NRAP: variants seen among roughly 807,000 people sequenced by gnomAD.
NRAP encodes nebulin related anchoring protein.
NRAP carries 189 observed loss-of-function variants against 225.9 expected under a neutral mutation model. The observed-to-expected ratio is 0.84, with a 90% CI of 0.74 to 0.94. The LOEUF is 0.94. NRAP is among the 40% of genes least tolerant of loss of function. The pLI is 0.00. For synonymous variants in NRAP, 769 were observed against 790.7 expected (o/e 0.97, Z 0.46); for missense variants, 2,176 against 2,168.7 (o/e 1.00, Z -0.07).
At position 113,597,155 on chromosome 10, in the gene NRAP, G is replaced by C. The variant is rs745647380; in HGVS notation, c.4362C>G (p.Ile1454Met). The change falls in exon 37 of 42, where the codon ATC (isoleucine) becomes ATG (methionine). Residue 1454 changes from isoleucine (I) to methionine (M), a missense_variant. Ile to Met is a conservative substitution (Grantham distance 10, BLOSUM62 1). Coordinates refer to ENST00000359988, the MANE Select transcript of NRAP (RefSeq NM_198060.4). ...GGGAGTCAACCACTGTGGTGAACTTGATACTGTCTGGTTTTTTACGGTACT... is the reference window on the plus strand; with the variant it reads ...GGGAGTCAACCACTGTGGTGAACTTCATACTGTCTGGTTTTTTACGGTACT... ...ETKYRKKPDSIKFTTVVDSPD... is the reference protein window; with the variant it reads ...ETKYRKKPDSMKFTTVVDSPD... 73 of 1,612,982 alleles carry C rather than the reference G, an allele frequency of 4.5e-5. No individual in the cohort carries two copies. The highest frequency in any genetic ancestry group is 8.3e-5 in the Admixed American group (5 of 60,006).
In NRAP at chr10:113,615,782, T is replaced by G. The variant is rs760250935; in HGVS notation, c.3008A>C (p.His1003Pro). 1.2e-6 allele frequency: 2 copies of G among 1,609,196 alleles called. No individual in the cohort carries two copies. Among genetic ancestry groups the G allele is most frequent in the African/African-American group, 2.7e-5 (2 of 74,846 alleles). ...LYREQGENIKHHYTPTADLPE... is the reference protein window; with the variant it reads ...LYREQGENIKPHYTPTADLPE... Reference sequence around the variant, plus strand: ...GAGGTCAGCAGTCGGTGTGTAATGATGCTTTATGTTTTCTCCTTGTTCCCT... The same window carrying G: ...GAGGTCAGCAGTCGGTGTGTAATGAGGCTTTATGTTTTCTCCTTGTTCCCT... Residue 1003 changes from histidine (H) to proline (P), a missense_variant, in exon 27 of 42, where the codon CAT becomes CCT. This residue lies in a region of NRAP where 1,708 missense variants were observed against 1,695.5 expected (regional missense o/e 1.01). Coordinates refer to ENST00000359988, the MANE Select transcript of NRAP (RefSeq NM_198060.4).
chr10:113,641,665 G>A (rs1483764701), intron 12 of NRAP, among the ~76,000 whole-genome samples, 193 bp from the exon 13 acceptor site: 1 of 152,160 alleles, frequency 6.6e-6, no homozygotes, highest in African/African-American at 2.4e-5. Context: ...ATCACAAGAA[G>A]TTGGAGTAAG....
chr10:113,592,674 C>G (rs1846060687), intron 38 of NRAP, among the ~76,000 whole-genome samples: 1 of 152,212 alleles, frequency 6.6e-6, no homozygotes, highest in African/African-American at 2.4e-5. Flanking sequence ...CTTCCAGAAT[C>G]CAGTTTCTTC....
chr10:113,615,662 C>G (rs778105670), intron 27 of NRAP, 50 bp downstream of exon 27: 1 of 1,017,044 alleles, frequency 9.8e-7, no homozygotes. Flanking sequence ...TGCCCATGAC[C>G]AGCCCCGCTC....
chr10:113,602,931 T>C (rs991842060), intron 35 of NRAP, among the ~76,000 whole-genome samples: 35 of 152,308 alleles, frequency 2.3e-4, no homozygotes, highest in African/African-American at 7.2e-4. Context: ...TGGGGTGCTA[T>C]GGACACCTAG....
rs553398275 is a variant in NRAP at position 113,663,738 on chromosome 10, C to T, written c.72+73G>A. The T allele has an allele frequency of 1.4e-5, 14 of 1,019,270 alleles. No homozygotes were observed. In the South Asian group the frequency reaches 1.5e-4, roughly 11 times the overall value. The allele number at this position is 1,019,270 out of a possible 1,614,324, so 63.1% of individuals were successfully genotyped here. On this transcript the variant is annotated intron_variant, in intron 1 of 41. Transcript: ENST00000359988. ...CTGAAAATTAAATTTCCATATTTAC[C>T]TATGTCCATATGTGAGAAGGTCAAT...
At chr10:113,607,399 CAAAAAAAAAAAAAAAAAAAA>C (rs543627940) in intron 32 of NRAP, among the ~76,000 whole-genome samples, 31 of 68,600 alleles carry the variant, frequency 4.5e-4, no homozygotes, top group East Asian at 1.4e-3. Context: ...GAAACTCCGT[CAAAAAAAAAAAAAAAAAAAA>C]AAAAAAAAAA....
chr10:113,619,800 C>A (rs899324549), intron 25 of NRAP, among the ~76,000 whole-genome samples: 1 of 152,082 alleles, frequency 6.6e-6, no homozygotes, highest in South Asian at 2.1e-4. Flanking sequence ...ATAAAGAGCA[C>A]GGGTGTGAGT....
At chr10:113,623,438 G>T in intron 23 of NRAP, 91 bp downstream of exon 23, 1 of 732,898 alleles carries the variant, frequency 1.4e-6, no homozygotes, top group Non-Finnish European at 2.3e-6. Flanking sequence ...GATTCAGAGA[G>T]ATTAAGAACC....
At chr10:113,605,012 A>T in intron 34 of NRAP, 92 bp from the exon 35 acceptor site, 1 of 1,438,464 alleles carries the variant, frequency 7.0e-7, no homozygotes, top group South Asian at 1.4e-5. Flanking sequence ...GGAGGTGATG[A>T]TTATAAGAAA....
intron 30 of NRAP, among the ~76,000 whole-genome samples, chr10:113,611,823 G>A (rs951739770): frequency 6.6e-6 from 1 of 152,146 alleles, no homozygotes; most frequent in Admixed American, 6.5e-5. Context: ...TCTTAAACAT[G>A]CACAACCATG....
intron 5 of NRAP, 42 bp downstream of exon 5, chr10:113,653,979 A>T: frequency 8.6e-7 from 1 of 1,164,672 alleles, no homozygotes; most frequent in Non-Finnish European, 1.3e-6. Context: ...ATTGCTAAGT[A>T]ATTGCTAAAC....
chr10:113,603,258 G>A (rs1300807835), intron 35 of NRAP, among the ~76,000 whole-genome samples: 3 of 152,152 alleles, frequency 2.0e-5, no homozygotes, highest in Non-Finnish European at 2.9e-5. Context: ...TAGTGGGGGA[G>A]CTATGGTTGG....
At chr10:113,615,274 C>T (rs1847584055) in intron 27 of NRAP, among the ~76,000 whole-genome samples, 1 of 152,122 alleles carries the variant, frequency 6.6e-6, no homozygotes, top group Non-Finnish European at 1.5e-5. Context: ...ATGCATAGTG[C>T]TTTATGTCAG....
intron 14 of NRAP, among the ~76,000 whole-genome samples, chr10:113,639,605 T>C (rs1198742381): frequency 1.3e-5 from 2 of 152,240 alleles, no homozygotes; most frequent in Admixed American, 1.3e-4. Context: ...GTGACTTTTA[T>C]CTTTTTCTTT....
rs1850760776 is a variant in NRAP at position 113,662,758 on chromosome 10, G to A, written c.176C>T (p.Pro59Leu). Residue 59 changes from proline (P) to leucine (L), a missense_variant, in exon 3 of 42, where the codon CCT becomes CTT. Coordinates refer to ENST00000359988, the MANE Select transcript of NRAP (RefSeq NM_198060.4). ...GACACTGGTGAAAGTGTTGTTCTTA[G>A]GGTTATGGCTACAACAAATAGGTAT... ...QKKPYCHAHN[P>L]KNNTFTSVYH... is the part of the protein sequence containing the mutation. 2 of 1,574,832 alleles carry A rather than the reference G, an allele frequency of 1.3e-6. No individual in the cohort carries two copies. Among genetic ancestry groups the A allele is most frequent in the Non-Finnish European group, 1.7e-6 (2 of 1,145,938 alleles).
rs577257569 is a variant in NRAP, at chr10:113,651,546, G to C, written c.675+257C>G. 2.0e-5 allele frequency among the ~76,000 whole-genome samples: 3 copies of C among 152,136 alleles called. No homozygotes were observed. The East Asian group carries it at 5.8e-4, about 29-fold the overall frequency. ...GTGTTGTTCCCCTCCCTGTGTCCATGTGTTCTCATTGCTCAGCTCCCACTT... is the reference window on the plus strand; with the variant it reads ...GTGTTGTTCCCCTCCCTGTGTCCATCTGTTCTCATTGCTCAGCTCCCACTT... On this transcript the variant is annotated intron_variant, in intron 7 of 41. Coordinates refer to ENST00000359988, the MANE Select transcript of NRAP (RefSeq NM_198060.4).
intron 24 of NRAP, 148 bp downstream of exon 24, chr10:113,621,721 G>C: frequency 1.5e-6 from 1 of 676,976 alleles, no homozygotes; most frequent in South Asian, 2.0e-5. Flanking sequence ...TAAACCACTA[G>C]CAAAGTAAAG....
At chr10:113,602,670 C>A (rs141223629) in intron 35 of NRAP, among the ~76,000 whole-genome samples, 1 of 152,244 alleles carries the variant, frequency 6.6e-6, no homozygotes, top group African/African-American at 2.4e-5. Context: ...TTTAGAATAC[C>A]CCACTTGTTG....
Sources: gnomAD v4.1 joint callset for allele counts (sites outside exome capture counted in the v4.1 genomes callset) on GRCh38, gnomAD v4.1.1 for gene constraint, gnomAD v4.1.1 regional missense constraint, MANE v1.5 for transcripts, NCBI Gene and HGNC (gene_info 2026-07-23, HGNC 2026-07-21) for gene names.